ZBTB10: variants seen among roughly 807,000 people sequenced by gnomAD.
ZBTB10 encodes the protein zinc finger and BTB domain containing 10.
ZBTB10 carries 32 observed loss-of-function variants against 76.4 expected under a neutral mutation model. The observed-to-expected ratio is 0.42, with a 90% CI of 0.32 to 0.56. ZBTB10 has a LOEUF of 0.56. ZBTB10 is among the 20% of genes least tolerant of loss of function. The pLI is 0.14. For synonymous variants in ZBTB10, 523 were observed against 432.9 expected (o/e 1.21, Z -2.58); for missense variants, 1,057 against 1,098.5 (o/e 0.96, Z 0.53).
intron 3 of ZBTB10, 137 bp downstream of exon 3, chr8:80,514,145 TATG>T: frequency 1.4e-6 from 1 of 717,220 alleles, no homozygotes; most frequent in Non-Finnish European, 2.3e-6. Flanking sequence ...TAGCTATGTT[TATG>T]ATGACTGGAA....
intron 2 of ZBTB10, among the ~76,000 whole-genome samples, chr8:80,512,281 T>A (rs547751860): frequency 8.5e-5 from 13 of 152,322 alleles, no homozygotes; most frequent in Non-Finnish European, 1.9e-4. Context: ...GTCTCTGCTG[T>A]CTCTCTTAAG....
rs1816415561 is a variant in ZBTB10 at position 80,519,887 on chromosome 8, T to G, written c.*359T>G. ...AACATGAATGGAGAAAATCCGTTTA[T>G]GGAAGTACAGTGACAATTGACCCAA... On this transcript the variant is annotated 3_prime_UTR_variant, in exon 6 of 6. Coordinates refer to ENST00000455036, the MANE Select transcript of ZBTB10 (RefSeq NM_001105539.3). The G allele has an allele frequency of 5.9e-6, 1 of 170,130 alleles. No individual in the cohort carries two copies. Among genetic ancestry groups the G allele is most frequent in the Non-Finnish European group, 1.3e-5 (1 of 77,412 alleles). 10.5% of individuals were successfully genotyped at this position (170,130 alleles called of 1,614,324 possible). A position where few individuals can be genotyped will look rare whatever the true frequency, so the allele number is the denominator to read the frequency against.
At chr8:80,501,121 C>T (rs113763936) in intron 2 of ZBTB10, among the ~76,000 whole-genome samples, 2 of 152,192 alleles carry the variant, frequency 1.3e-5, no homozygotes, top group Non-Finnish European at 2.9e-5. Context: ...TTGCCTCGGC[C>T]TCCCAAAGTG....
At position 80,524,836 on chromosome 8, in the gene ZBTB10, T is replaced by C. The variant is rs559509147; in HGVS notation, c.*5308T>C. ...AATGGGGCTGCTTCAGAAAAAGGTC[T>C]ACCACTGGAGATAACGCTATGAAAA... is the stretch of plus-strand genomic sequence containing the variant. On this transcript the variant is annotated 3_prime_UTR_variant, in exon 6 of 6. Transcript: ENST00000455036. 3.3e-5 allele frequency: 5 copies of C among 152,244 alleles called. No individual in the cohort carries two copies. The highest frequency in any genetic ancestry group is 7.2e-5 in the African/African-American group (3 of 41,570). The allele number at this position is 152,244 out of a possible 1,614,324, so 9.4% of individuals were successfully genotyped here.
At chr8:80,497,003 C>T (rs1417572081) in intron 1 of ZBTB10, among the ~76,000 whole-genome samples, 4 of 152,130 alleles carry the variant, frequency 2.6e-5, no homozygotes, top group African/African-American at 9.7e-5. Context: ...ATTCTTCCCC[C>T]TTATTTGTAA....
At chr8:80,504,301 C>T (rs1815996858) in intron 2 of ZBTB10, among the ~76,000 whole-genome samples, 1 of 152,188 alleles carries the variant, frequency 6.6e-6, no homozygotes, top group Non-Finnish European at 1.5e-5. Flanking sequence ...ATTGTTCAAT[C>T]TGCAAACAAT....
chr8:80,508,926 A>G (rs1816125126), intron 2 of ZBTB10, among the ~76,000 whole-genome samples: 1 of 152,114 alleles, frequency 6.6e-6, no homozygotes, highest in African/African-American at 2.4e-5. Flanking sequence ...AAAGTTTAAG[A>G]GCATTTTTCA....
chr8:80,487,780 C>G lies in ZBTB10; in HGVS notation c.970C>G (p.Gln324Glu). ...GCACAAACTCCACGAAGCCAACGCC[C>G]AGGTACAGTATATCCTGCTCCTACT... ...TEHKLHEANA[Q>E]ESEIPSEEGY... Residue 324 changes from glutamine (Q) to glutamate (E), a missense_variant and splice_region_variant, in exon 1 of 6, where the codon CAG (glutamine) becomes GAG (glutamate). Gln to Glu is a conservative substitution (Grantham distance 29, BLOSUM62 2). This residue lies in a region of ZBTB10 where 556 missense variants were observed against 451.7 expected (regional missense o/e 1.23). Coordinates refer to ENST00000455036, the MANE Select transcript of ZBTB10 (RefSeq NM_001105539.3). 6.3e-7 allele frequency: 1 copy of G among 1,589,976 alleles called. No individual in the cohort carries two copies. The highest frequency in any genetic ancestry group is 8.6e-7 in the Non-Finnish European group (1 of 1,168,942).
At position 80,524,446 on chromosome 8, in the gene ZBTB10, GTA is replaced by G. The variant is rs1816508801; in HGVS notation, c.*4922_*4923del. On this transcript the variant is annotated 3_prime_UTR_variant, in exon 6 of 6. Transcript: ENST00000455036. ...AAGGTAAACTGCTTCATCCCATGTT[GTA>G]TATTTGTGGACTGATTGACTACAAG... 1 of 152,070 alleles carries G rather than the reference GTA, an allele frequency of 6.6e-6. No homozygotes were observed. Among genetic ancestry groups the G allele is most frequent in the African/African-American group, 2.4e-5 (1 of 41,438 alleles). The allele number at this position is 152,070 out of a possible 1,614,324, so 9.4% of individuals were successfully genotyped here.
chr8:80,485,894 G>C, upstream of ZBTB10: 1 of 1,534,952 alleles, frequency 6.5e-7, no homozygotes, highest in Non-Finnish European at 8.7e-7. Context: ...GTGCGTGTGG[G>C]CAGCGGGGAG....
upstream of ZBTB10, chr8:80,486,144 C>A (rs1483656860): frequency 1.8e-5 from 9 of 512,636 alleles, no homozygotes; most frequent in Non-Finnish European, 2.1e-5. Flanking sequence ...CCCAGCCCCC[C>A]TCCCCCAGCC....
At chr8:80,485,841 C>G, upstream of ZBTB10, 7 of 1,535,892 alleles carry the variant, frequency 4.6e-6, no homozygotes, top group Non-Finnish European at 5.2e-6. Flanking sequence ...CCCAGGTGAA[C>G]TCGTGGCGAG....
At chr8:80,485,994 C>CGGG, upstream of ZBTB10, 1 of 1,154,274 alleles carries the variant, frequency 8.7e-7, no homozygotes, top group Non-Finnish European at 1.2e-6. Flanking sequence ...AGACCCCCAG[C>CGGG]CCGCCGCCCG....
rs542715037 is a variant in ZBTB10 at position 80,487,052 on chromosome 8, C to T, written c.242C>T (p.Ala81Val). 4.0e-6 allele frequency: 6 copies of T among 1,517,066 alleles called. No individual in the cohort carries two copies. The African/African-American group carries it at 7.2e-5, about 18-fold the overall frequency. The allele number at this position is 1,517,066 out of a possible 1,614,324, so 94.0% of individuals were successfully genotyped here. ...GAGCCCCAAGACCTGGAGGCCTCCG[C>T]CGGGCCGGCCGCCGGCGCCGCCGAG... ...GLEPQDLEAS[A>V]GPAAGAAEEA... is the part of the protein sequence containing the mutation. Residue 81 changes from alanine to valine, a missense_variant, in exon 1 of 6, where the codon GCC (alanine) becomes GTC (valine). This residue lies in a region of ZBTB10 where 556 missense variants were observed against 451.7 expected (regional missense o/e 1.23). Coordinates refer to ENST00000455036, the MANE Select transcript of ZBTB10 (RefSeq NM_001105539.3).
chr8:80,522,297 G>T lies in ZBTB10; in HGVS notation c.*2769G>T, dbSNP rs953911777. The T allele has an allele frequency of 1.3e-5, 2 of 151,798 alleles. No individual in the cohort carries two copies. Among genetic ancestry groups the T allele is most frequent in the Non-Finnish European group, 2.9e-5 (2 of 67,830 alleles). 9.4% of individuals were successfully genotyped at this position (151,798 alleles called of 1,614,324 possible). A position where few individuals can be genotyped will look rare whatever the true frequency, so the allele number is the denominator to read the frequency against. On this transcript the variant is annotated 3_prime_UTR_variant, in exon 6 of 6. Coordinates refer to ENST00000455036, the MANE Select transcript of ZBTB10 (RefSeq NM_001105539.3). ...TCATAATTTTGTCTGTGGAACTCTG[G>T]CAGAATTATGTTACACATTTGGCGA...
In ZBTB10 at chr8:80,523,167, A is replaced by G. The variant is rs1221750621; in HGVS notation, c.*3639A>G. 6.6e-6 allele frequency: 1 copy of G among 151,912 alleles called. No homozygotes were observed. The allele number at this position is 151,912 out of a possible 1,614,324, so 9.4% of individuals were successfully genotyped here. ...TCAGAGAAATTCAGAAACTTGGCTA[A>G]TTTAACACAGCTGTGACAGAGCTCG... On this transcript the variant is annotated 3_prime_UTR_variant, in exon 6 of 6. Coordinates refer to ENST00000455036, the MANE Select transcript of ZBTB10 (RefSeq NM_001105539.3).
intron 1 of ZBTB10, among the ~76,000 whole-genome samples, chr8:80,494,557 C>T (rs1815731893): frequency 6.6e-6 from 1 of 152,026 alleles, no homozygotes; most frequent in East Asian, 1.9e-4. Flanking sequence ...GGCTCTGCTT[C>T]ACACCTCATT....
At chr8:80,485,873 G>C, upstream of ZBTB10, 1 of 1,535,736 alleles carries the variant, frequency 6.5e-7, no homozygotes, top group African/African-American at 1.4e-5. Context: ...GCGCGTCCCG[G>C]GCGCGGGTAG....
At chr8:80,496,840 T>C (rs1815795259) in intron 1 of ZBTB10, among the ~76,000 whole-genome samples, 1 of 152,232 alleles carries the variant, frequency 6.6e-6, no homozygotes, top group African/African-American at 2.4e-5. Flanking sequence ...GCCAGATATT[T>C]AGTGTTGAAA....
Sources: allele counts gnomAD v4.1 joint callset (sites outside exome capture counted in the v4.1 genomes callset), GRCh38; gene constraint gnomAD v4.1.1; regional missense constraint gnomAD v4.1.1; transcripts MANE v1.5; gene names NCBI Gene and HGNC (gene_info 2026-07-23, HGNC 2026-07-21).